The following VAV3 variants were observed in gnomAD, a reference collection of about 807,000 sequenced individuals.
VAV3 encodes vav guanine nucleotide exchange factor 3.
In VAV3, 94 loss-of-function variants were observed where a neutral mutation model predicts 131.2. The observed-to-expected ratio is 0.72, with a 90% CI of 0.61 to 0.85. The LOEUF (loss-of-function observed/expected upper bound fraction) is 0.85. VAV3 is among the 40% of genes least tolerant of loss of function. The probability of loss-of-function intolerance (pLI) is 0.00; values close to 1 mark genes in which losing one functional copy is unlikely to be tolerated. For synonymous variants in VAV3, 349 were observed against 342.0 expected, an observed-to-expected ratio of 1.02 and a Z score of -0.22; for missense variants, 939 against 1,002.7, an observed-to-expected ratio of 0.94 and a Z score of 0.86.
intron 1 of VAV3, among the ~76,000 whole-genome samples, chr1:107,924,005 G>T (rs981158115): frequency 6.6e-6 from 1 of 152,116 alleles, no homozygotes. Flanking sequence ...AAGCTCCCCA[G>T]CCTACAGTAT....
intron 20 of VAV3, among the ~76,000 whole-genome samples, chr1:107,627,190 C>T (rs116336183): frequency 0.014 from 2,174 of 152,216 alleles, 59 homozygotes; most frequent in African/African-American, 0.05. Flanking sequence ...CCCTAGGCAG[C>T]GTTTGTTTTC....
intron 19 of VAV3, among the ~76,000 whole-genome samples, chr1:107,673,876 C>T (rs911512243): frequency 1.3e-5 from 2 of 152,074 alleles, no homozygotes; most frequent in African/African-American, 4.8e-5. Flanking sequence ...GTAATTTGTC[C>T]AGAGAACTTT....
intron 5 of VAV3, among the ~76,000 whole-genome samples, chr1:107,771,894 T>C (rs1301046398): frequency 6.6e-6 from 1 of 152,210 alleles, no homozygotes; most frequent in African/African-American, 2.4e-5. Flanking sequence ...GCCTATGCAA[T>C]GGTTAAACCA....
rs533475382 is a variant in VAV3, at chr1:107,656,724, C to G, written c.1778-13969G>C. On this transcript the variant is annotated intron_variant, in intron 19 of 26. Coordinates refer to ENST00000370056, the MANE Select transcript of VAV3 (RefSeq NM_006113.5). ...GCAGGTACTCCAAAAGTATGCACAT[C>G]TATTATATATCAATAAAAATAAAAA... Among the ~76,000 whole-genome samples the G allele has an allele frequency of 3.9e-4, 59 of 152,140 alleles. 2 individuals are homozygous for G. The highest frequency in any genetic ancestry group is 3.7e-3 in the South Asian group (18 of 4,814).
chr1:107,898,039 T>C (rs1214681178), intron 1 of VAV3, among the ~76,000 whole-genome samples: 3 of 152,056 alleles, frequency 2.0e-5, no homozygotes, highest in Non-Finnish European at 4.4e-5. Context: ...TGTTTTGTTC[T>C]CCAGAGATTT....
At chr1:107,921,971 G>C (rs1672921712) in intron 1 of VAV3, among the ~76,000 whole-genome samples, 1 of 152,108 alleles carries the variant, frequency 6.6e-6, no homozygotes, top group Admixed American at 6.5e-5. Flanking sequence ...GTGTAAACCA[G>C]GCCTTCAACC....
intron 12 of VAV3, among the ~76,000 whole-genome samples, chr1:107,752,732 A>T (rs1663812025): frequency 6.6e-6 from 1 of 152,228 alleles, no homozygotes. Flanking sequence ...AGAAAATGCA[A>T]ATCAAACCCA....
At chr1:107,713,229 TAAACAAA>T (rs1028435893) in intron 15 of VAV3, among the ~76,000 whole-genome samples, 2 of 152,068 alleles carry the variant, frequency 1.3e-5, no homozygotes, top group African/African-American at 4.8e-5. Flanking sequence ...ATATTTATTT[TAAACAAA>T]AAACAAAAAT....
intron 25 of VAV3, among the ~76,000 whole-genome samples, chr1:107,581,759 G>A (rs1558063910): frequency 6.6e-6 from 1 of 152,168 alleles, no homozygotes. Context: ...AAAGTATTAT[G>A]TTCTGCCTTG....
intron 1 of VAV3, among the ~76,000 whole-genome samples, chr1:107,942,845 C>T (rs763536866): frequency 4.3e-4 from 66 of 152,252 alleles, no homozygotes; most frequent in Non-Finnish European, 7.8e-4. Context: ...TAAGGGCCAC[C>T]CCCATTCCTT....
At chr1:107,573,862 T>C (rs1056041786) in intron 26 of VAV3, among the ~76,000 whole-genome samples, 185 bp downstream of exon 26, 1 of 152,202 alleles carries the variant, frequency 6.6e-6, no homozygotes, top group South Asian at 2.1e-4. Context: ...ATCATATTCA[T>C]TTCAAATATT....
At chr1:107,614,244 T>C (rs529467124) in intron 21 of VAV3, among the ~76,000 whole-genome samples, 75 of 152,224 alleles carry the variant, frequency 4.9e-4, no homozygotes, top group African/African-American at 1.8e-3. Context: ...GAACCGCCTG[T>C]GTTTTCCTCA....
At chr1:107,826,535 T>C (rs1439230485) in intron 2 of VAV3, among the ~76,000 whole-genome samples, 1 of 152,190 alleles carries the variant, frequency 6.6e-6, no homozygotes, top group Non-Finnish European at 1.5e-5. Flanking sequence ...AAATGAAAAT[T>C]GCCACAAAAG....
intron 2 of VAV3, among the ~76,000 whole-genome samples, chr1:107,841,289 AG>A (rs376990607): frequency 2.0e-4 from 30 of 151,608 alleles, no homozygotes; most frequent in East Asian, 1.4e-3. Flanking sequence ...TTTAGGGGAA[AG>A]GGGGGGGTAG....
rs771773884 is a variant in VAV3, at chr1:107,753,549, T to TATATACAC, written c.1173+1877_1173+1878insGTGTATAT. Among the ~76,000 whole-genome samples, 16 of 82,068 alleles carry TATATACAC rather than the reference T, an allele frequency of 1.9e-4. No homozygotes were observed. The East Asian group carries it at 6.1e-3, about 31-fold the overall frequency. 53.8% of individuals were successfully genotyped at this position (82,068 alleles called of 152,430 possible). A position where few individuals can be genotyped will look rare whatever the true frequency, so the allele number is the denominator to read the frequency against. On this transcript the variant is annotated intron_variant, in intron 12 of 26. Coordinates refer to ENST00000370056, the MANE Select transcript of VAV3 (RefSeq NM_006113.5). ...ATACGTATATATATATATATATATA[T>TATATACAC]ACACACACACACTTTTTTTTTTGAG... is the stretch of plus-strand genomic sequence containing the variant.
intron 20 of VAV3, among the ~76,000 whole-genome samples, chr1:107,622,274 A>G (rs1017907722): frequency 5.9e-5 from 9 of 152,194 alleles, no homozygotes; most frequent in Admixed American, 5.2e-4. Flanking sequence ...CTGAATCATA[A>G]TGAATTAAAA....
At chr1:107,832,141 G>A (rs540850509) in intron 2 of VAV3, among the ~76,000 whole-genome samples, 13 of 152,330 alleles carry the variant, frequency 8.5e-5, no homozygotes, top group African/African-American at 2.9e-4. Flanking sequence ...CAAGGACTTG[G>A]CAGCCATGGG....
At chr1:107,585,203 A>G (rs1025913438) in intron 25 of VAV3, among the ~76,000 whole-genome samples, 18 of 152,182 alleles carry the variant, frequency 1.2e-4, no homozygotes, top group African/African-American at 4.3e-4. Context: ...TATACATCAC[A>G]TCTGATGTGT....
Position 107,961,785 on chromosome 1 carries a change from A to G in VAV3, c.204+2881T>C, listed in dbSNP as rs541210157. Reference sequence around the variant, plus strand: ...AAGTAAGAAAACTGGGATCCCATCCATGCTTTTATTTTGAAAGATAATCAA... The same window carrying G: ...AAGTAAGAAAACTGGGATCCCATCCGTGCTTTTATTTTGAAAGATAATCAA... On this transcript the variant is annotated intron_variant, in intron 1 of 26. Transcript: ENST00000370056. Among the ~76,000 whole-genome samples, 43 of 152,372 alleles carry G rather than the reference A, an allele frequency of 2.8e-4. 1 individual carries two copies. Among genetic ancestry groups the G allele is most frequent in the African/African-American group, 1.0e-3 (43 of 41,596 alleles).
Sources: allele counts gnomAD v4.1 joint callset (sites outside exome capture counted in the v4.1 genomes callset), GRCh38; gene constraint gnomAD v4.1.1; transcripts MANE v1.5; gene names NCBI Gene and HGNC (gene_info 2026-07-23, HGNC 2026-07-21).